The following KCNQ5 variants were observed in gnomAD, a reference collection of about 807,000 sequenced individuals.
KCNQ5 encodes potassium voltage-gated channel subfamily KQT member 5.
KCNQ5 carries 30 observed loss-of-function variants against 98.2 expected under a neutral mutation model. The ratio of observed to expected loss-of-function variants is 0.31; its 90% CI spans 0.23 to 0.41. The LOEUF is 0.41. Among genes scored for constraint, KCNQ5 ranks in the 10% least tolerant of loss-of-function variants. The pLI is 1.00. For missense variants in KCNQ5, 835 were observed against 1,182.5 expected (o/e 0.71, Z 4.31); for synonymous variants, 458 against 449.4 (o/e 1.02, Z -0.24).
intron 1 of KCNQ5, among the ~76,000 whole-genome samples, chr6:72,947,932 C>T (rs1199311651): frequency 6.6e-6 from 1 of 151,990 alleles, no homozygotes; most frequent in Non-Finnish European, 1.5e-5. Context: ...AGTTTAGATA[C>T]AGTAAAAATA....
intron 3 of KCNQ5, among the ~76,000 whole-genome samples, chr6:73,064,656 C>T (rs930784596): frequency 2.0e-5 from 3 of 152,178 alleles, no homozygotes; most frequent in Middle Eastern, 3.4e-3. Flanking sequence ...ATGGTATCAA[C>T]GTGCAAAATT....
At chr6:72,931,210 A>C (rs1765678709) in intron 1 of KCNQ5, among the ~76,000 whole-genome samples, 1 of 152,186 alleles carries the variant, frequency 6.6e-6, no homozygotes, top group Non-Finnish European at 1.5e-5. Context: ...TCTAAAAAAT[A>C]ATAGAATTCT....
Position 73,194,851 on chromosome 6 carries a change from A to G in KCNQ5, c.2236A>G (p.Thr746Ala). The G allele has an allele frequency of 6.2e-7, 1 of 1,614,144 alleles. No individual in the cohort carries two copies. Among genetic ancestry groups the G allele is most frequent in the Non-Finnish European group, 8.5e-7 (1 of 1,180,018 alleles). Residue 746 changes from threonine (T) to alanine (A), a missense_variant, in exon 14 of 14, where the codon ACA becomes GCA. Around this residue, in one of 10 missense-constraint regions of KCNQ5, gnomAD observed 416 missense variants for 446.9 expected, o/e 0.93. Transcript: ENST00000370398. ...INTAPKPAAP[T>A]TLQIPPPLPA... ...TACGGCACCCAAGCCAGCAGCCCCAACAACTTTACAGATCCCACCTCCTCT... is the reference window on the plus strand; with the variant it reads ...TACGGCACCCAAGCCAGCAGCCCCAGCAACTTTACAGATCCCACCTCCTCT...
At chr6:72,673,475 A>C (rs990179771) in intron 1 of KCNQ5, among the ~76,000 whole-genome samples, 1 of 152,168 alleles carries the variant, frequency 6.6e-6, no homozygotes, top group Non-Finnish European at 1.5e-5. Flanking sequence ...ACTTCTTTCC[A>C]AGGTTATTTT....
chr6:73,002,619 G>C (rs1262859254), intron 1 of KCNQ5, among the ~76,000 whole-genome samples: 1 of 152,064 alleles, frequency 6.6e-6, no homozygotes, highest in Non-Finnish European at 1.5e-5. Flanking sequence ...AAGAAACAAG[G>C]AATAAATGTG....
At chr6:72,844,988 T>C (rs1353159502) in intron 1 of KCNQ5, among the ~76,000 whole-genome samples, 1 of 152,212 alleles carries the variant, frequency 6.6e-6, no homozygotes, top group Non-Finnish European at 1.5e-5. Context: ...AATTAAGCAG[T>C]TAAGTCCAAG....
intron 1 of KCNQ5, among the ~76,000 whole-genome samples, chr6:72,736,472 T>A (rs1319383245): frequency 6.6e-6 from 1 of 151,068 alleles, no homozygotes; most frequent in Non-Finnish European, 1.5e-5. Context: ...TAACATAATA[T>A]AAATTATGCT....
intron 1 of KCNQ5, among the ~76,000 whole-genome samples, chr6:72,709,956 G>A (rs1366434353): frequency 6.6e-6 from 1 of 152,138 alleles, no homozygotes; most frequent in Non-Finnish European, 1.5e-5. Context: ...ATATTATCAT[G>A]GTGGGTGGTG....
intron 10 of KCNQ5, chr6:73,135,131 A>G (rs1776411243): frequency 6.6e-6 from 1 of 152,198 alleles, no homozygotes; most frequent in South Asian, 2.1e-4. Context: ...AGATACAATG[A>G]AACAATGTCA....
intron 1 of KCNQ5, among the ~76,000 whole-genome samples, chr6:72,826,292 T>C (rs1390035144): frequency 1.3e-5 from 2 of 152,162 alleles, no homozygotes; most frequent in Non-Finnish European, 2.9e-5. Flanking sequence ...GTTAATGCCA[T>C]GGAGAGAAAA....
intron 1 of KCNQ5, among the ~76,000 whole-genome samples, chr6:72,762,820 T>C (rs1772355206): frequency 6.6e-6 from 1 of 152,096 alleles, no homozygotes; most frequent in Admixed American, 6.6e-5. Flanking sequence ...ATTACAATCA[T>C]CAATTTTAGT....
intron 1 of KCNQ5, among the ~76,000 whole-genome samples, chr6:72,732,599 C>A (rs1770614614): frequency 6.6e-6 from 1 of 152,152 alleles, no homozygotes; most frequent in African/African-American, 2.4e-5. Flanking sequence ...GGGACTAGAT[C>A]ATAAAGGGTC....
At chr6:73,073,572 G>T (rs1440119239) in intron 3 of KCNQ5, among the ~76,000 whole-genome samples, 1 of 152,194 alleles carries the variant, frequency 6.6e-6, no homozygotes, top group Non-Finnish European at 1.5e-5. Flanking sequence ...AAAACATTTA[G>T]CACAGTGCCT....
chr6:73,015,230 T>C (rs529734944), intron 2 of KCNQ5, among the ~76,000 whole-genome samples: 2 of 152,198 alleles, frequency 1.3e-5, no homozygotes, highest in African/African-American at 4.8e-5. Context: ...CCAATGAACA[T>C]TGAAAACTGC....
chr6:72,731,208 A>G (rs985940252), intron 1 of KCNQ5, among the ~76,000 whole-genome samples: 4 of 152,232 alleles, frequency 2.6e-5, no homozygotes, highest in Admixed American at 6.5e-5. Flanking sequence ...TAGAGATAGC[A>G]TATTAGGTGC....
chr6:72,890,067 G>A (rs1046164785), intron 1 of KCNQ5, among the ~76,000 whole-genome samples: 2 of 149,384 alleles, frequency 1.3e-5, no homozygotes, highest in African/African-American at 4.9e-5. Context: ...GCCCAGGAGG[G>A]CAGGATTAGC....
intron 1 of KCNQ5, among the ~76,000 whole-genome samples, chr6:72,671,256 C>T (rs1471819850): frequency 1.3e-5 from 2 of 152,124 alleles, no homozygotes; most frequent in African/African-American, 4.8e-5. Flanking sequence ...TTTGGGAAAA[C>T]TGAATGAGTC....
intron 5 of KCNQ5, among the ~76,000 whole-genome samples, chr6:73,100,801 A>G (rs758926038): frequency 2.6e-5 from 4 of 152,124 alleles, no homozygotes; most frequent in Non-Finnish European, 5.9e-5. Context: ...ATGAAAAAGG[A>G]GACATTAAAA....
At chr6:72,952,883 T>C (rs1002842358) in intron 1 of KCNQ5, among the ~76,000 whole-genome samples, 4 of 152,228 alleles carry the variant, frequency 2.6e-5, no homozygotes, top group Non-Finnish European at 5.9e-5. Context: ...TTTGTTGTTT[T>C]AACTTAAAAG....
Sources: gnomAD v4.1 joint callset for allele counts (sites outside exome capture counted in the v4.1 genomes callset) on GRCh38, gnomAD v4.1.1 for gene constraint, gnomAD v4.1.1 regional missense constraint, MANE v1.5 for transcripts, NCBI Gene and HGNC (gene_info 2026-07-23, HGNC 2026-07-21) for gene names.